The following CA1 variants were observed in gnomAD, a reference collection of about 807,000 sequenced individuals.
CA1 encodes carbonate dehydratase I.
CA1 carries 27 observed loss-of-function variants against 28.8 expected under a neutral mutation model. The observed-to-expected ratio is 0.94, with a 90% confidence interval of 0.69 to 1.29. CA1 has a LOEUF of 1.29. Ranked by LOEUF, CA1 falls within the 50% of genes most tolerant of loss-of-function variation. The pLI is 0.00. For synonymous variants in CA1, 121 were observed against 108.8 expected (o/e 1.11, Z -0.70); for missense variants, 335 against 310.5 (o/e 1.08, Z -0.59).
chr8:85,363,073 G>T (rs1479960724), intron 1 of CA1, among the ~76,000 whole-genome samples: 1 of 152,136 alleles, frequency 6.6e-6, no homozygotes. Flanking sequence ...CATCATGGTC[G>T]CTGTTTTGTG....
rs557021454 is a variant in CA1, at chr8:85,365,116, A to G, written c.-25+12930T>C. Among the ~76,000 whole-genome samples the G allele has an allele frequency of 3.3e-5, 5 of 152,340 alleles. No individual in the cohort carries two copies. The South Asian group carries it at 1.0e-3, about 32-fold the overall frequency. Reference sequence around the variant, plus strand: ...CAGCTGAGCTGTATGAAGCAGAGCAATTAGTTATGGCATCACCGGTATATA... The same window carrying G: ...CAGCTGAGCTGTATGAAGCAGAGCAGTTAGTTATGGCATCACCGGTATATA... On this transcript the variant is annotated intron_variant, in intron 1 of 7. Transcript: ENST00000523022.
At chr8:85,356,075 A>G (rs1034252540) in intron 1 of CA1, among the ~76,000 whole-genome samples, 2 of 152,180 alleles carry the variant, frequency 1.3e-5, no homozygotes, top group Admixed American at 1.3e-4. Flanking sequence ...ATTTGATCCT[A>G]CTTTTTGTAC....
rs551297557 is a variant in CA1, at chr8:85,349,106, T to G, written c.-24-7447A>C. On this transcript the variant is annotated intron_variant, in intron 1 of 7. Transcript: ENST00000523022. ...TCTGATTTTTAAAAAATCTTTTTAT[T>G]TTTAGCCTCTACACTAAGGACACAA... Among the ~76,000 whole-genome samples the G allele has an allele frequency of 3.9e-5, 6 of 152,296 alleles. No homozygotes were observed. The South Asian group carries it at 1.2e-3, about 32-fold the overall frequency.
intron 6 of CA1, among the ~76,000 whole-genome samples, chr8:85,330,808 T>C (rs1222965568): frequency 6.6e-6 from 1 of 152,212 alleles, no homozygotes; most frequent in Non-Finnish European, 1.5e-5. Context: ...GGATAAACTC[T>C]ACTAGTTCAG....
At chr8:85,328,849 G>A (rs1585909065) in intron 7 of CA1, among the ~76,000 whole-genome samples, 173 bp from the exon 8 acceptor site, 1 of 151,646 alleles carries the variant, frequency 6.6e-6, no homozygotes, top group Non-Finnish European at 1.5e-5. Context: ...TTTGAACCAG[G>A]CATTTTGCTT....
At chr8:85,349,418 T>G (rs1000503079) in intron 1 of CA1, among the ~76,000 whole-genome samples, 4 of 152,246 alleles carry the variant, frequency 2.6e-5, no homozygotes, top group African/African-American at 9.6e-5. Flanking sequence ...TATGATAAAT[T>G]ATAAAATCAA....
At chr8:85,356,557 G>A (rs1809613588) in intron 1 of CA1, among the ~76,000 whole-genome samples, 1 of 152,026 alleles carries the variant, frequency 6.6e-6, no homozygotes, top group Non-Finnish European at 1.5e-5. Flanking sequence ...GATCCATTTA[G>A]TATATTCACT....
chr8:85,337,986 G>A, intron 3 of CA1: 1 of 588,442 alleles, frequency 1.7e-6, no homozygotes, highest in South Asian at 1.7e-5. Flanking sequence ...CAGAGACAGT[G>A]AAGTGAGCAT....
chr8:85,346,779 T>C (rs988047908), intron 1 of CA1, among the ~76,000 whole-genome samples: 1 of 151,142 alleles, frequency 6.6e-6, no homozygotes, highest in Non-Finnish European at 1.5e-5. Context: ...AATAAATAAA[T>C]AATAAAATTC....
At chr8:85,369,025 A>C (rs1483886739) in intron 1 of CA1, among the ~76,000 whole-genome samples, 1 of 152,148 alleles carries the variant, frequency 6.6e-6, no homozygotes, top group Non-Finnish European at 1.5e-5. Context: ...TCAGTGGCAG[A>C]TCAGGACACC....
chr8:85,350,440 G>C (rs1046021145), intron 1 of CA1, among the ~76,000 whole-genome samples: 1 of 152,132 alleles, frequency 6.6e-6, no homozygotes, highest in Non-Finnish European at 1.5e-5. Flanking sequence ...TAATTGCATC[G>C]CCTTGCACCT....
chr8:85,374,026 C>T (rs559853321), intron 1 of CA1, among the ~76,000 whole-genome samples: 35 of 152,094 alleles, frequency 2.3e-4, no homozygotes, highest in African/African-American at 8.2e-4. Flanking sequence ...TGCACAGCAA[C>T]GTCAATGTAC....
chr8:85,328,555 A>T lies in CA1; in HGVS notation c.*5T>A, dbSNP rs1808262742. 6.5e-7 allele frequency: 1 copy of T among 1,540,142 alleles called. No homozygotes were observed. The stretch of plus-strand genomic sequence containing the variant: ...TGAGGAAGGACAAGTTTCTTCTCAG[A>T]ATCATCAAAATGAAGCTCTCACTGT... On this transcript the variant is annotated 3_prime_UTR_variant, in exon 8 of 8. Coordinates refer to ENST00000523022, the MANE Select transcript of CA1 (RefSeq NM_001128831.4).
At chr8:85,346,811 C>T (rs965469592) in intron 1 of CA1, among the ~76,000 whole-genome samples, 7 of 151,294 alleles carry the variant, frequency 4.6e-5, no homozygotes, top group Admixed American at 1.3e-4. Context: ...AAATGATCAA[C>T]ATAAGCCTCA....
At chr8:85,360,567 C>T (rs1809753759) in intron 1 of CA1, among the ~76,000 whole-genome samples, 1 of 152,120 alleles carries the variant, frequency 6.6e-6, no homozygotes, top group African/African-American at 2.4e-5. Flanking sequence ...GTGGCATGTG[C>T]CTGTAGTCCC....
chr8:85,336,868 G>T, intron 4 of CA1, 77 bp downstream of exon 4: 2 of 863,008 alleles, frequency 2.3e-6, no homozygotes, highest in Non-Finnish European at 4.0e-6. Flanking sequence ...TTATGATGTT[G>T]TCTTAGAAAA....
In CA1 at chr8:85,356,480, T is replaced by C. The variant is rs1009525430; in HGVS notation, c.-24-14821A>G. On this transcript the variant is annotated intron_variant, in intron 1 of 7. Transcript: ENST00000523022. ...CAAATTGATAAATGCAAGGTACTCT[T>C]ATTATAATTATTTTCTTACATTTAA... is the stretch of plus-strand genomic sequence containing the variant. 4.6e-5 allele frequency among the ~76,000 whole-genome samples: 7 copies of C among 152,240 alleles called. No individual in the cohort carries two copies. In the East Asian group the frequency reaches 9.6e-4, roughly 21 times the overall value.
At chr8:85,337,516 T>A (rs954559441) in intron 3 of CA1, among the ~76,000 whole-genome samples, 2 of 152,128 alleles carry the variant, frequency 1.3e-5, no homozygotes, top group Non-Finnish European at 1.5e-5. Context: ...CAAAAGTATA[T>A]CTTGACAGCT....
At chr8:85,329,415 C>T (rs574435401) in intron 7 of CA1, among the ~76,000 whole-genome samples, 5 of 152,132 alleles carry the variant, frequency 3.3e-5, no homozygotes, top group Admixed American at 2.6e-4. Context: ...TTCTGAAATG[C>T]TTAAGAAGAT....
Sources: gnomAD v4.1 joint callset for allele counts (sites outside exome capture counted in the v4.1 genomes callset) on GRCh38, gnomAD v4.1.1 for gene constraint, MANE v1.5 for transcripts, NCBI Gene and HGNC (gene_info 2026-07-23, HGNC 2026-07-21) for gene names.